The following DNAL1 variants were observed in gnomAD, a reference collection of about 807,000 sequenced individuals.
DNAL1 encodes chromosome 14 open reading frame 168.
Under a neutral mutation model 29.4 loss-of-function variants are expected in DNAL1, and 17 were observed. The observed-to-expected ratio is 0.58, with a 90% CI of 0.40 to 0.87. The LOEUF is 0.87. Among genes scored for constraint, DNAL1 ranks in the 40% least tolerant of loss-of-function variants. DNAL1 has a pLI of 0.00. For synonymous variants in DNAL1, 78 were observed against 76.3 expected, an observed-to-expected ratio of 1.02 and a Z score of -0.12; for missense variants, 188 against 214.1, an observed-to-expected ratio of 0.88 and a Z score of 0.76.
At chr14:73,684,632 C>T (rs900672719) in intron 5 of DNAL1, among the ~76,000 whole-genome samples, 1 of 152,162 alleles carries the variant, frequency 6.6e-6, no homozygotes, top group African/African-American at 2.4e-5. Context: ...CATGGTGGCT[C>T]ACGCCTATAG....
chr14:73,647,289 C>T (rs915018212), intron 1 of DNAL1, among the ~76,000 whole-genome samples: 6 of 146,304 alleles, frequency 4.1e-5, no homozygotes, highest in African/African-American at 1.3e-4. Flanking sequence ...GGCGTGAACC[C>T]GGGAGGCGGA....
At chr14:73,659,943 A>AT (rs949662002) in intron 3 of DNAL1, among the ~76,000 whole-genome samples, 10 of 152,136 alleles carry the variant, frequency 6.6e-5, no homozygotes, top group African/African-American at 2.4e-4. Flanking sequence ...ATTATACTTT[A>AT]TTTTTTTGAG....
chr14:73,694,660 G>A (rs1164556994), intron 7 of DNAL1, among the ~76,000 whole-genome samples: 1 of 151,980 alleles, frequency 6.6e-6, no homozygotes, highest in Non-Finnish European at 1.5e-5. Flanking sequence ...TGTGGGAAAT[G>A]AGGAATATTT....
intron 5 of DNAL1, among the ~76,000 whole-genome samples, chr14:73,678,940 G>A (rs1465118472): frequency 1.3e-5 from 2 of 152,136 alleles, no homozygotes; most frequent in Non-Finnish European, 2.9e-5. Context: ...GGTGATAGCT[G>A]TTACTTCTGG....
At chr14:73,691,870 G>T (rs1478293163) in intron 7 of DNAL1, among the ~76,000 whole-genome samples, 1 of 134,562 alleles carries the variant, frequency 7.4e-6, no homozygotes. Context: ...GCTAATTTTT[G>T]TATTTTTAGT....
rs552309547 is a variant in DNAL1 at position 73,702,123 on chromosome 14, G to C, written c.*6181G>C. On this transcript the variant is annotated 3_prime_UTR_variant, in exon 8 of 8. Transcript: ENST00000553645. ...TGTGTGTGCACGTGCATGAGAGAGA[G>C]TGAAAGAGAGAGGTGTTTTTTGTTT... 1 of 151,724 alleles carries C rather than the reference G, an allele frequency of 6.6e-6. No individual in the cohort carries two copies. The highest frequency in any genetic ancestry group is 1.9e-4 in the East Asian group (1 of 5,150). The allele number at this position is 151,724 out of a possible 1,614,324, so 9.4% of individuals were successfully genotyped here.
intron 1 of DNAL1, among the ~76,000 whole-genome samples, chr14:73,648,601 A>G (rs1891038143): frequency 6.7e-6 from 1 of 149,344 alleles, no homozygotes; most frequent in African/African-American, 2.5e-5. Context: ...TTTTTAGTAG[A>G]GAGAGGGTTC....
In DNAL1 at chr14:73,648,329, C is replaced by T. The variant is rs116038289; in HGVS notation, c.3+3287C>T. Reference sequence around the variant, plus strand: ...ACCAATTTTCTAACTTTTGCCAATCCGAGGGTGTGTTTTAGTATTCCATTG... The same window carrying T: ...ACCAATTTTCTAACTTTTGCCAATCTGAGGGTGTGTTTTAGTATTCCATTG... On this transcript the variant is annotated intron_variant, in intron 1 of 7. Coordinates refer to ENST00000553645, the MANE Select transcript of DNAL1 (RefSeq NM_031427.4). Among the ~76,000 whole-genome samples, 1,156 of 142,296 alleles carry T rather than the reference C, an allele frequency of 8.1e-3. 25 individuals are homozygous for T. The highest frequency in any genetic ancestry group is 0.029 in the African/African-American group (1,093 of 37,304). The allele number at this position is 142,296 out of a possible 152,430, so 93.4% of individuals were successfully genotyped here.
chr14:73,653,716 A>G lies in DNAL1; in HGVS notation c.4-1131A>G, dbSNP rs115020143. On this transcript the variant is annotated intron_variant, in intron 1 of 7. Coordinates refer to ENST00000553645, the MANE Select transcript of DNAL1 (RefSeq NM_031427.4). Reference sequence around the variant, plus strand: ...ACTCAGGATTCGTCTTGAAGAATTGATTCTTTCAGGTTCACATTTGTTCAC... The same window carrying G: ...ACTCAGGATTCGTCTTGAAGAATTGGTTCTTTCAGGTTCACATTTGTTCAC... 4.1e-3 allele frequency among the ~76,000 whole-genome samples: 629 copies of G among 152,200 alleles called. 2 individuals are homozygous for G. Among genetic ancestry groups the G allele is most frequent in the African/African-American group, 0.015 (603 of 41,522 alleles).
intron 5 of DNAL1, among the ~76,000 whole-genome samples, chr14:73,676,666 T>A (rs1891739446): frequency 6.6e-6 from 1 of 152,198 alleles, no homozygotes; most frequent in African/African-American, 2.4e-5. Flanking sequence ...TTTCCAGGTT[T>A]TTTTTTCTTG....
rs201851157 is a variant in DNAL1, at chr14:73,676,247, AT to A, written c.264+4660del. ...AGAGACTGTCTCAAAAAAAAAAAAA[AT>A]TTTTTTTTTAATTCTATAAGTACCA... On this transcript the variant is annotated intron_variant, in intron 5 of 7. Coordinates refer to ENST00000553645, the MANE Select transcript of DNAL1 (RefSeq NM_031427.4). Among the ~76,000 whole-genome samples the A allele has an allele frequency of 8.4e-3, 1,261 of 150,302 alleles. 23 individuals carry two copies. The highest frequency in any genetic ancestry group is 0.028 in the African/African-American group (1,159 of 41,022).
intron 2 of DNAL1, among the ~76,000 whole-genome samples, chr14:73,657,532 A>C (rs1891246497): frequency 6.6e-6 from 1 of 151,892 alleles, no homozygotes; most frequent in Admixed American, 6.6e-5. Context: ...GTTTGCAAAT[A>C]TTTTCCCCCA....
chr14:73,678,952 C>A (rs920285576), intron 5 of DNAL1, among the ~76,000 whole-genome samples: 2 of 152,062 alleles, frequency 1.3e-5, no homozygotes, highest in African/African-American at 4.8e-5. Context: ...TACTTCTGGG[C>A]AAGGGAGCTG....
At chr14:73,662,496 A>G (rs1331206533) in intron 4 of DNAL1, among the ~76,000 whole-genome samples, 1 of 152,168 alleles carries the variant, frequency 6.6e-6, no homozygotes, top group Non-Finnish European at 1.5e-5. Flanking sequence ...AATGATGGAT[A>G]TATATTCTCT....
At chr14:73,653,827 C>T (rs1248688581) in intron 1 of DNAL1, among the ~76,000 whole-genome samples, 4 of 151,940 alleles carry the variant, frequency 2.6e-5, no homozygotes, top group South Asian at 2.1e-4. Context: ...GGATATCTTC[C>T]GTTGGGTACC....
intron 7 of DNAL1, among the ~76,000 whole-genome samples, chr14:73,695,594 A>G (rs977410572): frequency 6.6e-6 from 1 of 152,074 alleles, no homozygotes; most frequent in African/African-American, 2.4e-5. Flanking sequence ...CAATGGTATA[A>G]TCTTGGCTCA....
chr14:73,655,186 AC>A (rs1380661134), intron 2 of DNAL1, among the ~76,000 whole-genome samples: 2 of 152,080 alleles, frequency 1.3e-5, no homozygotes. Context: ...ATAAAATGTT[AC>A]CCTTGGGGGA....
At chr14:73,654,920 G>A in intron 2 of DNAL1, 35 bp downstream of exon 2, 2 of 1,530,828 alleles carry the variant, frequency 1.3e-6, no homozygotes, top group Non-Finnish European at 1.8e-6. Flanking sequence ...TTTAGAAACT[G>A]TACAAGGAAA....
At chr14:73,657,650 A>G (rs1360719011) in intron 2 of DNAL1, among the ~76,000 whole-genome samples, 1 of 152,298 alleles carries the variant, frequency 6.6e-6, no homozygotes, top group Non-Finnish European at 1.5e-5. Flanking sequence ...CTGGAGTACA[A>G]TGGCACGATC....
Sources: allele counts gnomAD v4.1 joint callset (sites outside exome capture counted in the v4.1 genomes callset), GRCh38; gene constraint gnomAD v4.1.1; transcripts MANE v1.5; gene names NCBI Gene and HGNC (gene_info 2026-07-23, HGNC 2026-07-21).